The following GBA1 variants were observed in gnomAD, a reference collection of about 807,000 sequenced individuals.
The protein encoded by GBA1 is glucosylceramidase beta 1.
chr1:155,239,813 ATGGTGATCAC>A, the GBA1 span: 1 of 1,614,042 alleles, frequency 6.2e-7, no homozygotes, highest in South Asian at 1.1e-5. Flanking sequence ...GGGAAACTCC[ATGGTGATCAC>A]TGACACCATT....
the GBA1 span, chr1:155,240,513 A>G: frequency 1.2e-6 from 1 of 861,186 alleles, no homozygotes; most frequent in African/African-American, 1.7e-5. Flanking sequence ...CAGTCACTCA[A>G]AAGGATTTAT....
At chr1:155,242,801 C>T in the GBA1 span, among the ~76,000 whole-genome samples, 1 of 152,094 alleles carries the variant, frequency 6.6e-6, no homozygotes, top group Non-Finnish European at 1.5e-5. Flanking sequence ...CCATGTTGGC[C>T]AGGCTGGTCT....
chr1:155,241,322 C>A, the GBA1 span: 3 of 629,970 alleles, frequency 4.8e-6, no homozygotes, highest in Non-Finnish European at 8.7e-6. Context: ...CAATCACAGC[C>A]ATATTTCTAA....
chr1:155,241,279 G>T, the GBA1 span: 1 of 683,690 alleles, frequency 1.5e-6, no homozygotes, highest in Non-Finnish European at 2.7e-6. Flanking sequence ...GTCATGTGAT[G>T]ACTAGGAGCG....
the GBA1 span, among the ~76,000 whole-genome samples, chr1:155,243,743 G>C: frequency 6.6e-6 from 1 of 152,050 alleles, no homozygotes; most frequent in African/African-American, 2.4e-5. Flanking sequence ...GGGATTACAG[G>C]GTGAGGCACT....
the GBA1 span, among the ~76,000 whole-genome samples, chr1:155,241,429 C>A: frequency 6.6e-6 from 1 of 152,122 alleles, no homozygotes; most frequent in South Asian, 2.1e-4. Context: ...GCCTAGAACA[C>A]AGATTTGCAT....
At chr1:155,241,075 C>T in the GBA1 span, 3 of 1,612,964 alleles carry the variant, frequency 1.9e-6, no homozygotes, top group South Asian at 3.3e-5. Context: ...ATTGGGAGCT[C>T]TCTCTCTTAC....
chr1:155,237,651 C>T, the GBA1 span: 2 of 1,593,236 alleles, frequency 1.3e-6, no homozygotes, highest in Admixed American at 3.5e-5. Context: ...TGGCTCACAC[C>T]TGTAATCCCA....
At chr1:155,239,500 C>A in the GBA1 span, 63 of 1,156,298 alleles carry the variant, frequency 5.4e-5, no homozygotes, top group Non-Finnish European at 7.7e-5. Context: ...CACTGCACTC[C>A]TGTCTCGCCG....
chr1:155,241,856 G>A, the GBA1 span, among the ~76,000 whole-genome samples: 1 of 152,198 alleles, frequency 6.6e-6, no homozygotes, highest in Non-Finnish European at 1.5e-5. Flanking sequence ...GGTCAGTGCG[G>A]CTCCTCTGCA....
At chr1:155,240,576 T>C in the GBA1 span, 1 of 1,366,348 alleles carries the variant, frequency 7.3e-7, no homozygotes, top group Non-Finnish European at 1.0e-6. Flanking sequence ...ACCAAAGGAC[T>C]ATGAGGCAGA....
chr1:155,236,261 C>T, the GBA1 span: 2 of 1,613,912 alleles, frequency 1.2e-6, no homozygotes, highest in East Asian at 2.2e-5. Context: ...GATGCTGTGG[C>T]TGTACTGCAT....
chr1:155,236,549 G>A, the GBA1 span: 43 of 1,185,162 alleles, frequency 3.6e-5, no homozygotes, highest in Non-Finnish European at 4.6e-5. Flanking sequence ...GAATCCTGGA[G>A]TTGGGTGACG....
the GBA1 span, among the ~76,000 whole-genome samples, chr1:155,242,913 T>C: frequency 6.6e-6 from 1 of 152,160 alleles, no homozygotes; most frequent in East Asian, 1.9e-4. Context: ...TTAAGTACAG[T>C]CTCAGTGAGA....
chr1:155,235,333 C>T, the GBA1 span: 1 of 1,606,876 alleles, frequency 6.2e-7, no homozygotes, highest in African/African-American at 1.3e-5. Context: ...AACAGATGGT[C>T]AGAGTCCCTC....
the GBA1 span, chr1:155,237,341 C>T: frequency 6.2e-7 from 1 of 1,613,930 alleles, no homozygotes; most frequent in Non-Finnish European, 8.5e-7. Context: ...CAGGCCTTAC[C>T]ACCTTTGCCC....
the GBA1 span, chr1:155,235,928 G>C: frequency 1.4e-4 from 218 of 1,529,682 alleles, no homozygotes; most frequent in Non-Finnish European, 1.9e-4. Context: ...ATGTGGGAGA[G>C]GCAGCTGTGG....
chr1:155,241,161 T>A, the GBA1 span: 18 of 1,586,190 alleles, frequency 1.1e-5, no homozygotes. Context: ...TTCCAGAGTC[T>A]CTGAAGGATA....
At chr1:155,235,521 T>A in the GBA1 span, 1 of 1,084,672 alleles carries the variant, frequency 9.2e-7, no homozygotes. Flanking sequence ...TGCTACCTAG[T>A]CACTTCCTGC....
Sources: allele counts gnomAD v4.1 joint callset (sites outside exome capture counted in the v4.1 genomes callset), GRCh38; gene constraint gnomAD v4.1.1; transcripts MANE v1.5; gene names NCBI Gene and HGNC (gene_info 2026-07-23, HGNC 2026-07-21).